The following AMMECR1 variants were observed in gnomAD, a reference collection of about 807,000 sequenced individuals.
The protein encoded by AMMECR1 is AMMECR nuclear protein 1.
Under a neutral mutation model 22.5 loss-of-function variants are expected in AMMECR1, and 3 were observed. The observed-to-expected ratio is 0.13, with a 90% CI of 0.06 to 0.35. The LOEUF is 0.35. Among genes scored for constraint, AMMECR1 ranks in the 10% least tolerant of loss-of-function variants. The pLI, the probability that AMMECR1 is intolerant of heterozygous loss-of-function variation, is 1.00. For missense variants in AMMECR1, 235 were observed against 278.7 expected, an observed-to-expected ratio of 0.84 and a Z score of 1.12; for synonymous variants, 130 against 116.7, an observed-to-expected ratio of 1.11 and a Z score of -0.74.
chrX:110,356,248 G>A (rs1004208899), intron 2 of AMMECR1, among the ~76,000 whole-genome samples: 2 of 106,865 alleles, frequency 1.9e-5, no homozygotes, highest in Non-Finnish European at 3.9e-5. Flanking sequence ...CACCTCCTGG[G>A]TTCAAGTGAG....
At chrX:110,308,097 G>T (rs1431175996) in intron 1 of AMMECR1, among the ~76,000 whole-genome samples, 2 of 109,863 alleles carry the variant, frequency 1.8e-5, no homozygotes, top group African/African-American at 6.6e-5. Flanking sequence ...GGCTGGTCTA[G>T]AACTCCTGGG....
chrX:110,278,999 A>C (rs368690967), intron 1 of AMMECR1, among the ~76,000 whole-genome samples: 5 of 112,323 alleles, frequency 4.5e-5, no homozygotes, highest in African/African-American at 1.3e-4. Context: ...TACTCAATCC[A>C]GAATTTCTAC....
chrX:110,306,286 T>A (rs1356505488), intron 1 of AMMECR1, among the ~76,000 whole-genome samples: 1 of 110,142 alleles, frequency 9.1e-6, no homozygotes, highest in East Asian at 2.8e-4. Context: ...AGAGCAAGAC[T>A]CCGTCTCGAA....
At chrX:110,409,852 G>A (rs1455455398) in intron 2 of AMMECR1, among the ~76,000 whole-genome samples, 1 of 111,170 alleles carries the variant, frequency 9.0e-6, no homozygotes, top group Non-Finnish European at 1.9e-5. Flanking sequence ...ACAGAGGGAG[G>A]TATTGAACCA....
At chrX:110,420,629 T>A (rs1439774512) in intron 2 of AMMECR1, among the ~76,000 whole-genome samples, 2 of 111,927 alleles carry the variant, frequency 1.8e-5, no homozygotes, top group Non-Finnish European at 3.8e-5. Context: ...CCATCTCAAA[T>A]CCTTTGCAGA....
In AMMECR1 at chrX:110,197,016, C is replaced by T. The variant is rs947116386; in HGVS notation, c.*1504G>A. 7 of 112,277 alleles carry T rather than the reference C, an allele frequency of 6.2e-5. No individual in the cohort carries two copies. Among genetic ancestry groups the T allele is most frequent in the Non-Finnish European group, 1.3e-4 (7 of 53,198 alleles). 9.3% of individuals were successfully genotyped at this position (112,277 alleles called of 1,213,427 possible). A position where few individuals can be genotyped will look rare whatever the true frequency, so the allele number is the denominator to read the frequency against. On this transcript the variant is annotated 3_prime_UTR_variant, in exon 6 of 6. Coordinates refer to ENST00000262844, the MANE Select transcript of AMMECR1 (RefSeq NM_015365.3). ...ATATTTTTCCAAAGACACACAGACA[C>T]ACACACATAACCATAAAATGAAGGT...
At chrX:110,428,120 G>C (rs2068767950) in intron 1 of AMMECR1, among the ~76,000 whole-genome samples, 2 of 112,238 alleles carry the variant, frequency 1.8e-5, no homozygotes, top group South Asian at 7.4e-4. Flanking sequence ...GCACACAGTA[G>C]ATGTTCCATG....
At chrX:110,299,389 C>T (rs1331297194) in intron 1 of AMMECR1, among the ~76,000 whole-genome samples, 1 of 111,877 alleles carries the variant, frequency 8.9e-6, no homozygotes, top group African/African-American at 3.2e-5. Context: ...AGTATTTGTG[C>T]TTTCAAGGAT....
chrX:110,217,782 CT>C (rs35803567), intron 2 of AMMECR1, among the ~76,000 whole-genome samples: 22 of 110,847 alleles, frequency 2.0e-4, no homozygotes, highest in African/African-American at 7.2e-4. Flanking sequence ...AATTTAATTC[CT>C]TTTTCAGTGA....
At chrX:110,340,893 A>G (rs755558752) in intron 2 of AMMECR1, among the ~76,000 whole-genome samples, 3 of 112,443 alleles carry the variant, frequency 2.7e-5, no homozygotes, top group African/African-American at 6.5e-5. Flanking sequence ...TCCAAGATGT[A>G]ATTGTGTATG....
chrX:110,424,600 C>T (rs1417168342), intron 2 of AMMECR1, among the ~76,000 whole-genome samples: 1 of 112,282 alleles, frequency 8.9e-6, no homozygotes, highest in African/African-American at 3.2e-5. Context: ...ACCTATGGCT[C>T]CTGCCCTGGA....
chrX:110,418,155 C>A (rs182149560), intron 2 of AMMECR1, among the ~76,000 whole-genome samples: 2 of 112,590 alleles, frequency 1.8e-5, no homozygotes, highest in Admixed American at 9.3e-5. Context: ...TAGGTTCATC[C>A]GGCATGCAGG....
intron 2 of AMMECR1, among the ~76,000 whole-genome samples, chrX:110,230,907 CA>C (rs1418233241): frequency 8.9e-6 from 1 of 111,890 alleles, no homozygotes; most frequent in African/African-American, 3.3e-5. Flanking sequence ...AGAGCCGATT[CA>C]ATCAAGTGGA....
chrX:110,423,139 C>A, intron 2 of AMMECR1, among the ~76,000 whole-genome samples: 1 of 111,074 alleles, frequency 9.0e-6, no homozygotes, highest in East Asian at 2.8e-4. Flanking sequence ...ACCAGCCTGG[C>A]CAACATGGCG....
Position 110,382,853 on chromosome X carries a change from C to T in AMMECR1, c.-148+43805G>A, listed in dbSNP as rs776167930. 5.4e-5 allele frequency among the ~76,000 whole-genome samples: 6 copies of T among 111,946 alleles called. No homozygotes were observed. In the South Asian group the frequency reaches 2.3e-3, roughly 42 times the overall value. On this transcript the variant is annotated intron_variant, in intron 2 of 7. Transcript: ENST00000372057. ...TGGACCAGGCTTCCTGCCTCTAATT[C>T]GTTTCTTCCTCCCTCTAATTGAGGC...
chrX:110,433,072 C>T (rs1294183263), intron 1 of AMMECR1, among the ~76,000 whole-genome samples: 1 of 112,561 alleles, frequency 8.9e-6, no homozygotes. Context: ...CGGGTGGCTC[C>T]AGCTGCTGCT....
chrX:110,366,288 T>C (rs1441716265), intron 2 of AMMECR1, among the ~76,000 whole-genome samples: 1 of 112,017 alleles, frequency 8.9e-6, no homozygotes, highest in Non-Finnish European at 1.9e-5. Context: ...AACCACTGGA[T>C]TAGTCAAATG....
chrX:110,249,346 C>T (rs1406629236), intron 2 of AMMECR1, among the ~76,000 whole-genome samples: 1 of 110,649 alleles, frequency 9.0e-6, no homozygotes, highest in Non-Finnish European at 1.9e-5. Context: ...GAAGCAGTAT[C>T]GCACAGTGGT....
At chrX:110,221,256 T>C (rs112702492) in intron 2 of AMMECR1, among the ~76,000 whole-genome samples, 4,347 of 111,754 alleles carry the variant, frequency 0.039, 215 homozygotes, top group African/African-American at 0.14. Context: ...TATTCTGTCA[T>C]TCCCTGCTAG....
Sources: allele counts gnomAD v4.1 joint callset (sites outside exome capture counted in the v4.1 genomes callset), GRCh38; gene constraint gnomAD v4.1.1; transcripts MANE v1.5; gene names NCBI Gene and HGNC (gene_info 2026-07-23, HGNC 2026-07-21).